The following SPMAP2L variants were observed in gnomAD, a reference collection of about 807,000 sequenced individuals.
SPMAP2L encodes sperm microtubule associated protein 2-like.
chr4:56,552,761 C>G, the SPMAP2L span: 1 of 597,626 alleles, frequency 1.7e-6, no homozygotes, highest in Admixed American at 2.8e-5. Context: ...AAAGGCTAAC[C>G]CTTGGTCAGT....
chr4:56,582,192 AAAAT>A, the SPMAP2L span, among the ~76,000 whole-genome samples: 1 of 152,220 alleles, frequency 6.6e-6, no homozygotes, highest in Non-Finnish European at 1.5e-5. Flanking sequence ...GACAAAAGAA[AAAAT>A]AAATTGGACT....
the SPMAP2L span, among the ~76,000 whole-genome samples, chr4:56,546,915 C>G: frequency 6.6e-6 from 1 of 152,196 alleles, no homozygotes; most frequent in Non-Finnish European, 1.5e-5. Flanking sequence ...TCTGGAACAA[C>G]AGAAAATATC....
At chr4:56,548,760 A>C in the SPMAP2L span, 15 of 1,450,886 alleles carry the variant, frequency 1.0e-5, no homozygotes, top group Admixed American at 2.4e-5. Flanking sequence ...GTTGAATCTA[A>C]TTTTTGCTTT....
the SPMAP2L span, among the ~76,000 whole-genome samples, chr4:56,626,002 G>A: frequency 2.0e-5 from 3 of 152,184 alleles, no homozygotes; most frequent in Admixed American, 2.0e-4. Context: ...CTGCTAAGTG[G>A]TAAGACTTCC....
the SPMAP2L span, among the ~76,000 whole-genome samples, chr4:56,562,745 G>T: frequency 2.0e-5 from 3 of 147,964 alleles, no homozygotes; most frequent in African/African-American, 7.4e-5. Context: ...TCTACTGTAG[G>T]CTTACAATTC....
At chr4:56,531,915 T>G in the SPMAP2L span, among the ~76,000 whole-genome samples, 29 of 152,210 alleles carry the variant, frequency 1.9e-4, no homozygotes, top group Non-Finnish European at 3.7e-4. Context: ...GGTCTGCCAT[T>G]GCAGTTGCTC....
At chr4:56,573,864 C>A in the SPMAP2L span, among the ~76,000 whole-genome samples, 1 of 152,000 alleles carries the variant, frequency 6.6e-6, no homozygotes, top group Non-Finnish European at 1.5e-5. Flanking sequence ...GTCTTATATG[C>A]AGATTGAGGC....
At chr4:56,574,204 G>A in the SPMAP2L span, among the ~76,000 whole-genome samples, 2 of 152,054 alleles carry the variant, frequency 1.3e-5, no homozygotes, top group African/African-American at 4.8e-5. Context: ...AGAATCACTT[G>A]AGCATAGGCA....
chr4:56,543,325 T>C, the SPMAP2L span, among the ~76,000 whole-genome samples: 1,658 of 152,202 alleles, frequency 0.011, 36 homozygotes, highest in African/African-American at 0.038. Flanking sequence ...CCTCGTGATC[T>C]GCCCACCTTG....
At chr4:56,611,728 G>C in the SPMAP2L span, among the ~76,000 whole-genome samples, 4 of 152,140 alleles carry the variant, frequency 2.6e-5, no homozygotes, top group Admixed American at 6.5e-5. Flanking sequence ...TGCCAGAATG[G>C]TCAGAATTTG....
the SPMAP2L span, among the ~76,000 whole-genome samples, chr4:56,533,783 CAAAAA>C: frequency 2.9e-5 from 4 of 136,164 alleles, no homozygotes; most frequent in Admixed American, 1.5e-4. Flanking sequence ...CTCCTTTCTA[CAAAAA>C]AAAAAAAAAA....
chr4:56,535,899 G>C, the SPMAP2L span, among the ~76,000 whole-genome samples: 1 of 152,204 alleles, frequency 6.6e-6, no homozygotes, highest in Non-Finnish European at 1.5e-5. Flanking sequence ...TTTCGTGGAA[G>C]ACAGTTTTTT....
the SPMAP2L span, among the ~76,000 whole-genome samples, chr4:56,611,345 T>C: frequency 6.6e-6 from 1 of 151,442 alleles, no homozygotes; most frequent in Non-Finnish European, 1.5e-5. Context: ...AGGAATGGAG[T>C]GTATGTTCTC....
At chr4:56,587,464 C>G in the SPMAP2L span, among the ~76,000 whole-genome samples, 1 of 141,696 alleles carries the variant, frequency 7.1e-6, no homozygotes, top group African/African-American at 2.6e-5. Context: ...TGTCCCTCAC[C>G]CCCCTCCCAC....
the SPMAP2L span, among the ~76,000 whole-genome samples, chr4:56,605,615 A>G: frequency 7.2e-5 from 11 of 152,134 alleles, no homozygotes. Context: ...CATGTAAATA[A>G]GACTCTCTAG....
the SPMAP2L span, among the ~76,000 whole-genome samples, chr4:56,617,632 G>A: frequency 8.2e-3 from 1,242 of 152,178 alleles, 19 homozygotes; most frequent in African/African-American, 0.029. Context: ...ATGTGTTACA[G>A]GGTGCTCTTT....
At chr4:56,567,090 AT>A in the SPMAP2L span, among the ~76,000 whole-genome samples, 10 of 152,068 alleles carry the variant, frequency 6.6e-5, no homozygotes, top group Non-Finnish European at 1.2e-4. Flanking sequence ...ATCTTACATT[AT>A]TATTATTTTT....
At chr4:56,566,699 T>C in the SPMAP2L span, among the ~76,000 whole-genome samples, 2 of 68,278 alleles carry the variant, frequency 2.9e-5, no homozygotes, top group Admixed American at 1.2e-4. Flanking sequence ...CTTTTTCTTT[T>C]TTTTTTTTTT....
chr4:56,600,982 C>T, the SPMAP2L span: 2 of 1,535,442 alleles, frequency 1.3e-6, no homozygotes, highest in South Asian at 1.2e-5. Context: ...AACAATAGCT[C>T]TAGCGAAGTC....
Sources: allele counts gnomAD v4.1 joint callset (sites outside exome capture counted in the v4.1 genomes callset), GRCh38; gene constraint gnomAD v4.1.1; transcripts MANE v1.5; gene names NCBI Gene and HGNC (gene_info 2026-07-23, HGNC 2026-07-21).